CHODL: variants seen among roughly 807,000 people sequenced by gnomAD.
CHODL encodes the protein transmembrane protein MT75.
Under a neutral mutation model 34.5 loss-of-function variants are expected in CHODL, and 29 were observed. The observed-to-expected ratio is 0.84, with a 90% CI of 0.63 to 1.15. The LOEUF (loss-of-function observed/expected upper bound fraction) is 1.15. Ranked by LOEUF, CHODL falls within the 50% of genes most tolerant of loss-of-function variation. CHODL has a pLI of 0.00. For synonymous variants in CHODL, 125 were observed against 116.1 expected, an observed-to-expected ratio of 1.08 and a Z score of -0.49; for missense variants, 332 against 332.5, an observed-to-expected ratio of 1.00 and a Z score of 0.01.
intron 1 of CHODL, among the ~76,000 whole-genome samples, chr21:18,248,621 TA>T (rs1437841335): frequency 5.1e-5 from 6 of 117,392 alleles, no homozygotes; most frequent in South Asian, 2.3e-4. Context: ...AATACATATA[TA>T]ATATATATAA....
At chr21:17,928,315 T>G (rs979172555) in intron 1 of CHODL, among the ~76,000 whole-genome samples, 4 of 152,080 alleles carry the variant, frequency 2.6e-5, no homozygotes, top group Non-Finnish European at 5.9e-5. Flanking sequence ...GAAGGTACAG[T>G]ATAGATCATT....
chr21:18,023,405 ACCCTG>A (rs1226870723), intron 1 of CHODL, among the ~76,000 whole-genome samples: 1 of 152,054 alleles, frequency 6.6e-6, no homozygotes, highest in Non-Finnish European at 1.5e-5. Context: ...GGATGAGGCC[ACCCTG>A]CAGAGATGGT....
intron 2 of CHODL, among the ~76,000 whole-genome samples, chr21:18,210,320 T>C (rs763013977): frequency 2.0e-5 from 3 of 152,186 alleles, no homozygotes; most frequent in Non-Finnish European, 4.4e-5. Context: ...CCCTCCCCGA[T>C]GTGCACAGAT....
At chr21:18,191,628 C>G (rs2073511466) in intron 2 of CHODL, among the ~76,000 whole-genome samples, 1 of 152,076 alleles carries the variant, frequency 6.6e-6, no homozygotes, top group South Asian at 2.1e-4. Context: ...CAGTGTTTAG[C>G]CCAGGTTTTC....
At chr21:17,973,860 CT>C (rs1431772743) in intron 1 of CHODL, among the ~76,000 whole-genome samples, 4 of 150,946 alleles carry the variant, frequency 2.6e-5, no homozygotes, top group Non-Finnish European at 5.9e-5. Context: ...TAACACTATT[CT>C]TTTTATTTTT....
At chr21:18,139,637 T>TA (rs1354018757) in intron 2 of CHODL, among the ~76,000 whole-genome samples, 2 of 152,140 alleles carry the variant, frequency 1.3e-5, no homozygotes, top group Non-Finnish European at 2.9e-5. Flanking sequence ...TACTCTCTGA[T>TA]ATGCTGAGAC....
intron 1 of CHODL, among the ~76,000 whole-genome samples, chr21:17,923,572 C>T (rs925923008): frequency 4.6e-5 from 7 of 151,410 alleles, no homozygotes; most frequent in Non-Finnish European, 8.8e-5. Flanking sequence ...AGCAATTCTC[C>T]TGCCTCAGCC....
chr21:18,046,163 A>T (rs1290887941), intron 2 of CHODL, among the ~76,000 whole-genome samples: 1 of 151,952 alleles, frequency 6.6e-6, no homozygotes, highest in Non-Finnish European at 1.5e-5. Context: ...GACCGAGAGG[A>T]TATCAGAAAA....
intron 2 of CHODL, among the ~76,000 whole-genome samples, chr21:18,220,868 A>G (rs2073876722): frequency 6.6e-6 from 1 of 151,972 alleles, no homozygotes. Context: ...TGTGCCTTGG[A>G]GAGGATCTTT....
At chr21:18,065,200 C>A (rs979778221) in intron 2 of CHODL, among the ~76,000 whole-genome samples, 2 of 152,162 alleles carry the variant, frequency 1.3e-5, no homozygotes, top group African/African-American at 2.4e-5. Flanking sequence ...CTTTTTGTAG[C>A]CAGTAATGCC....
At chr21:18,103,946 G>A (rs1472321075) in intron 2 of CHODL, among the ~76,000 whole-genome samples, 1 of 152,166 alleles carries the variant, frequency 6.6e-6, no homozygotes, top group African/African-American at 2.4e-5. Context: ...CTGAGCTTCA[G>A]TTTTGCCCTT....
intron 2 of CHODL, among the ~76,000 whole-genome samples, chr21:18,087,676 G>A (rs1359157714): frequency 1.3e-5 from 2 of 152,136 alleles, no homozygotes; most frequent in Non-Finnish European, 2.9e-5. Context: ...TCGAGGGGCA[G>A]GGATCCTCCC....
At chr21:17,939,784 A>G (rs1325811865) in intron 1 of CHODL, among the ~76,000 whole-genome samples, 4 of 152,060 alleles carry the variant, frequency 2.6e-5, no homozygotes, top group Non-Finnish European at 5.9e-5. Context: ...TCTTTACCCT[A>G]TGAGCTTTAT....
intron 2 of CHODL, among the ~76,000 whole-genome samples, chr21:18,228,919 G>T (rs1011426128): frequency 1.2e-4 from 19 of 152,102 alleles, no homozygotes; most frequent in Admixed American, 8.5e-4. Flanking sequence ...CAGCTAGTGT[G>T]CAGTTTTTAC....
intron 1 of CHODL, among the ~76,000 whole-genome samples, chr21:17,985,761 A>G (rs1173240443): frequency 6.6e-6 from 1 of 152,184 alleles, no homozygotes; most frequent in Non-Finnish European, 1.5e-5. Flanking sequence ...CTCTTGGGGA[A>G]ATAACCACTT....
chr21:18,236,147 C>A (rs181505684), intron 2 of CHODL, among the ~76,000 whole-genome samples: 42 of 152,218 alleles, frequency 2.8e-4, no homozygotes, highest in African/African-American at 1.0e-3. Flanking sequence ...AACTTACTAT[C>A]ATGGCAAAAG....
At chr21:18,157,956 TA>T (rs531514365) in intron 2 of CHODL, among the ~76,000 whole-genome samples, 20 of 137,892 alleles carry the variant, frequency 1.5e-4, no homozygotes, top group South Asian at 2.3e-4. Flanking sequence ...AGAAAAGAAG[TA>T]AAAAAAAAAG....
At chr21:18,233,331 G>C (rs1267112281) in intron 2 of CHODL, among the ~76,000 whole-genome samples, 2 of 151,990 alleles carry the variant, frequency 1.3e-5, no homozygotes, top group Non-Finnish European at 2.9e-5. Flanking sequence ...AGACTGCCTG[G>C]GTTGAAATAC....
intron 2 of CHODL, among the ~76,000 whole-genome samples, chr21:18,223,386 G>A (rs889406393): frequency 6.6e-6 from 1 of 152,100 alleles, no homozygotes; most frequent in Non-Finnish European, 1.5e-5. Flanking sequence ...CATTCCCTAC[G>A]AGAAATACAA....
Sources: allele counts gnomAD v4.1 joint callset (sites outside exome capture counted in the v4.1 genomes callset), GRCh38; gene constraint gnomAD v4.1.1; transcripts MANE v1.5; gene names NCBI Gene and HGNC (gene_info 2026-07-23, HGNC 2026-07-21).